Variants in DUSP16 observed in about 807,000 individuals in gnomAD.
DUSP16 encodes dual specificity protein phosphatase 16.
In DUSP16, 21 loss-of-function variants were observed where a neutral mutation model predicts 58.3. That is an observed-to-expected ratio of 0.36 (90% CI 0.26 to 0.52). The LOEUF is 0.52. DUSP16 is among the 20% of genes least tolerant of loss of function. The probability of loss-of-function intolerance (pLI) is 0.94; values close to 1 mark genes in which losing one functional copy is unlikely to be tolerated. For synonymous variants in DUSP16, 320 were observed against 323.8 expected (o/e 0.99, Z 0.12); for missense variants, 726 against 819.0 (o/e 0.89, Z 1.39).
chr12:12,540,747 T>C (rs149490031), intron 1 of DUSP16, among the ~76,000 whole-genome samples: 3 of 152,158 alleles, frequency 2.0e-5, no homozygotes, highest in African/African-American at 7.2e-5. Flanking sequence ...ACACAATCTC[T>C]TTGTATTCAC....
chr12:12,538,508 G>A (rs1944504815), intron 1 of DUSP16, among the ~76,000 whole-genome samples: 1 of 152,168 alleles, frequency 6.6e-6, no homozygotes, highest in Non-Finnish European at 1.5e-5. Context: ...ATAGCTTCTA[G>A]GGAGTGTGCT....
At chr12:12,514,013 T>C (rs1472983946) in intron 3 of DUSP16, among the ~76,000 whole-genome samples, 1 of 152,214 alleles carries the variant, frequency 6.6e-6, no homozygotes, top group Non-Finnish European at 1.5e-5. Flanking sequence ...AAATCAATGT[T>C]GGCAACTGAT....
chr12:12,555,744 A>G (rs2136272813), intron 1 of DUSP16, among the ~76,000 whole-genome samples: 1 of 152,284 alleles, frequency 6.6e-6, no homozygotes, highest in South Asian at 2.1e-4. Context: ...TATAGCTGTA[A>G]TTCTTTTCTA....
rs1943458422 is a variant in DUSP16 at position 12,477,106 on chromosome 12, G to A, written c.1725C>T (p.Gly575=). The A allele has an allele frequency of 6.2e-7, 1 of 1,614,148 alleles. No homozygotes were observed. Among genetic ancestry groups the A allele is most frequent in the African/African-American group, 1.3e-5 (1 of 74,950 alleles). ...AGCTGTAGGCAGAGTAACTGGCACT[G>A]CCTCCGTAGATGGCTGAGGCAGAGT... ...HFYSASAIYG[G]SASYSAYSCS... Residue 575 remains glycine (G), a synonymous_variant, in exon 7 of 7, where the codon GGC becomes GGT. Coordinates refer to ENST00000298573, the MANE Select transcript of DUSP16 (RefSeq NM_030640.3). This position sits in a 1 kb window ranked among gnomAD's most constrained non-coding sequence, Gnocchi z 4.1.
Position 12,477,117 on chromosome 12 carries a change from T to C in DUSP16, c.1714A>G (p.Ile572Val), listed in dbSNP as rs1426181876. The change falls in exon 7 of 7, where the codon ATC (isoleucine) becomes GTC (valine). Residue 572 changes from isoleucine (I) to valine (V), a missense_variant. By Grantham distance (29) the Ile-to-Val change is conservative (BLOSUM62 3). Transcript: ENST00000298573. The surrounding 1 kb of genome is among the most constrained non-coding windows in gnomAD (Gnocchi z 4.1). ...ESSHFYSASA[I>V]YGGSASYSAY... ...GAGTAACTGGCACTGCCTCCGTAGA[T>C]GGCTGAGGCAGAGTAGAAGTGTGAG... The C allele has an allele frequency of 1.2e-6, 2 of 1,614,222 alleles. No individual in the cohort carries two copies. Among genetic ancestry groups the C allele is most frequent in the Admixed American group, 1.7e-5 (1 of 60,030 alleles).
At position 12,519,901 on chromosome 12, in the gene DUSP16, T is replaced by C. The variant is rs1944205184; in HGVS notation, c.328A>G (p.Lys110Glu). 1 of 1,613,968 alleles carries C rather than the reference T, an allele frequency of 6.2e-7. No homozygotes were observed. Among genetic ancestry groups the C allele is most frequent in the South Asian group, 1.1e-5 (1 of 91,078 alleles). ...ACAGAGTTGAAGCTCTTCTCCAGTT[T>C]ACCCAGAAGTACAGTGAGAAAACAG... ...SDCFLTVLLG[K>E]LEKSFNSVHL... The change falls in exon 3 of 7, where the codon AAA (lysine) becomes GAA (glutamate). Residue 110 changes from lysine to glutamate, a missense_variant. Lys to Glu is a moderately conservative substitution (Grantham distance 56, BLOSUM62 1). Coordinates refer to ENST00000298573, the MANE Select transcript of DUSP16 (RefSeq NM_030640.3).
At chr12:12,556,050 AAAAT>A (rs746608942) in intron 1 of DUSP16, among the ~76,000 whole-genome samples, 1 of 152,218 alleles carries the variant, frequency 6.6e-6, no homozygotes, top group Non-Finnish European at 1.5e-5. Context: ...CAAAAAAATA[AAAAT>A]TAAATAAATT....
At position 12,477,542 on chromosome 12, in the gene DUSP16, T is replaced by C. The variant is rs201932444; in HGVS notation, c.1289A>G (p.Tyr430Cys). 6 of 1,610,392 alleles carry C rather than the reference T, an allele frequency of 3.7e-6. No individual in the cohort carries two copies. The highest frequency in any genetic ancestry group is 2.2e-5 in the East Asian group (1 of 44,840). Reference sequence around the variant, plus strand: ...CCCATCCAGAGTAGTGGAAGGTTTGTAGTATTCCAAAGCATCTTCTGATGA... The same window carrying C: ...CCCATCCAGAGTAGTGGAAGGTTTGCAGTATTCCAAAGCATCTTCTGATGA... ...FSSSEDALEY[Y>C]KPSTTLDGTN... Residue 430 changes from tyrosine to cysteine, a missense_variant, in exon 7 of 7, where the codon TAC becomes TGC. Physicochemically the swap from Tyr to Cys is radical, Grantham distance 194 (BLOSUM62 -2). Coordinates refer to ENST00000298573, the MANE Select transcript of DUSP16 (RefSeq NM_030640.3). The surrounding 1 kb of genome is among the most constrained non-coding windows in gnomAD (Gnocchi z 4.1).
In DUSP16 at chr12:12,560,374, T is replaced by C. The variant is rs548321256; in HGVS notation, c.-366+1743A>G. 1.6e-3 allele frequency among the ~76,000 whole-genome samples: 237 copies of C among 152,330 alleles called. 1 individual carries two copies. The highest frequency in any genetic ancestry group is 5.4e-3 in the African/African-American group (223 of 41,580). On this transcript the variant is annotated intron_variant, in intron 1 of 6. Coordinates refer to ENST00000298573, the MANE Select transcript of DUSP16 (RefSeq NM_030640.3). The stretch of plus-strand genomic sequence containing the variant: ...AAATTCATTTCTAATTTTTCCCCCA[T>C]GTAGAATTTTGATAAGTGCAAAAAT...
At chr12:12,543,955 C>T (rs191872337) in intron 1 of DUSP16, among the ~76,000 whole-genome samples, 62 of 151,560 alleles carry the variant, frequency 4.1e-4, no homozygotes, top group African/African-American at 1.5e-3. Context: ...GCCACTTACT[C>T]CTGTGGTTAA....
intron 1 of DUSP16, among the ~76,000 whole-genome samples, chr12:12,561,616 T>A (rs1271434441): frequency 6.6e-6 from 1 of 152,194 alleles, no homozygotes; most frequent in East Asian, 1.9e-4. Context: ...AGCAGCACCG[T>A]CACCACCCAG....
intron 4 of DUSP16, among the ~76,000 whole-genome samples, chr12:12,495,460 CATTTT>C (rs1335984914): frequency 2.0e-5 from 3 of 152,276 alleles, no homozygotes; most frequent in South Asian, 4.1e-4. Flanking sequence ...AGACAAATTT[CATTTT>C]ATTATTATGA....
intron 4 of DUSP16, among the ~76,000 whole-genome samples, chr12:12,495,529 T>C (rs1943817058): frequency 6.6e-6 from 1 of 152,224 alleles, no homozygotes; most frequent in Non-Finnish European, 1.5e-5. Context: ...AACCCTGAAA[T>C]AAGCTTTCTC....
At chr12:12,485,492 T>A (rs955701916) in intron 5 of DUSP16, 1 of 152,184 alleles carries the variant, frequency 6.6e-6, no homozygotes. Flanking sequence ...AAAATTATAA[T>A]ATGGGGCTTA....
intron 1 of DUSP16, among the ~76,000 whole-genome samples, chr12:12,526,931 G>A (rs1434597093): frequency 2.0e-5 from 3 of 152,288 alleles, no homozygotes; most frequent in East Asian, 3.9e-4. Context: ...AGCAGGGGAT[G>A]GGGCTCCAGG....
At chr12:12,558,862 T>A (rs1944852167) in intron 1 of DUSP16, among the ~76,000 whole-genome samples, 1 of 152,204 alleles carries the variant, frequency 6.6e-6, no homozygotes, top group Non-Finnish European at 1.5e-5. Flanking sequence ...TTCCCTTCCT[T>A]ACTGATCATA....
rs113646201 is a variant in DUSP16, at chr12:12,523,238, A to C, written c.-365-1775T>G. Among the ~76,000 whole-genome samples, 1,217 of 152,338 alleles carry C rather than the reference A, an allele frequency of 8.0e-3. 15 individuals are homozygous for C. Among genetic ancestry groups the C allele is most frequent in the African/African-American group, 0.027 (1,139 of 41,566 alleles). On this transcript the variant is annotated intron_variant, in intron 1 of 6. Transcript: ENST00000298573. Reference sequence around the variant, plus strand: ...ACATTATAGTGGCCTCATCTCTTCAAATTTGGTCTGAGAACAAAATTATCT... The same window carrying C: ...ACATTATAGTGGCCTCATCTCTTCACATTTGGTCTGAGAACAAAATTATCT...
intron 4 of DUSP16, chr12:12,491,201 G>C (rs1450774897): frequency 6.7e-6 from 1 of 149,364 alleles, no homozygotes; most frequent in Non-Finnish European, 1.5e-5. Context: ...ACAAATGGCT[G>C]GGAGGGGATC....
At chr12:12,491,934 C>G (rs549962905) in intron 4 of DUSP16, among the ~76,000 whole-genome samples, 1 of 152,206 alleles carries the variant, frequency 6.6e-6, no homozygotes, top group African/African-American at 2.4e-5. Flanking sequence ...CTCTGTCCTT[C>G]ATCCCCATGA....
Sources: allele counts gnomAD v4.1 joint callset (sites outside exome capture counted in the v4.1 genomes callset), GRCh38; gene constraint gnomAD v4.1.1; non-coding constraint Gnocchi (gnomAD v3.1); transcripts MANE v1.5; gene names NCBI Gene and HGNC (gene_info 2026-07-23, HGNC 2026-07-21).